Variants in MBNL2 observed in about 807,000 individuals in gnomAD.
MBNL2 encodes muscleblind like splicing regulator 2.
Under a neutral mutation model 41.9 loss-of-function variants are expected in MBNL2, and 17 were observed. The observed-to-expected ratio is 0.41, with a 90% CI of 0.28 to 0.61. The LOEUF (loss-of-function observed/expected upper bound fraction) is 0.61, where lower values mean the gene tolerates loss of function less well. Among genes scored for constraint, MBNL2 ranks in the 20% least tolerant of loss-of-function variants. The pLI is 0.35. For missense variants in MBNL2, 336 were observed against 505.6 expected, an observed-to-expected ratio of 0.66 and a Z score of 3.22; for synonymous variants, 195 against 182.9, an observed-to-expected ratio of 1.07 and a Z score of -0.53.
At chr13:97,360,898 T>A in intron 7 of MBNL2, among the ~76,000 whole-genome samples, 1 of 152,352 alleles carries the variant, frequency 6.6e-6, no homozygotes, top group East Asian at 1.9e-4. Flanking sequence ...AGTGCCCAGA[T>A]ACAGCCTAAT....
intron 2 of MBNL2, among the ~76,000 whole-genome samples, chr13:97,284,369 CA>C (rs2054019033): frequency 6.6e-6 from 1 of 152,116 alleles, no homozygotes; most frequent in Non-Finnish European, 1.5e-5. Context: ...CTCATGGCAG[CA>C]TCACTCCAAT....
intron 1 of MBNL2, among the ~76,000 whole-genome samples, chr13:97,242,042 A>G (rs948643179): frequency 1.3e-5 from 2 of 152,132 alleles, no homozygotes; most frequent in African/African-American, 4.8e-5. Flanking sequence ...TTCTGAAGCA[A>G]CAAGGAAAGG....
At chr13:97,296,118 C>G (rs1055961224) in intron 2 of MBNL2, among the ~76,000 whole-genome samples, 9 of 152,160 alleles carry the variant, frequency 5.9e-5, no homozygotes, top group African/African-American at 2.2e-4. Context: ...CAGATTCTAT[C>G]CACGCTAAAT....
At chr13:97,357,734 G>A in intron 7 of MBNL2, 99 bp downstream of exon 7, 2 of 1,127,578 alleles carry the variant, frequency 1.8e-6, no homozygotes, top group Non-Finnish European at 2.7e-6. Context: ...GCTTTTGAAG[G>A]TATAATACAG....
At chr13:97,385,030 G>T (rs1183451600) in intron 8 of MBNL2, among the ~76,000 whole-genome samples, 1 of 152,150 alleles carries the variant, frequency 6.6e-6, no homozygotes, top group Non-Finnish European at 1.5e-5. Context: ...GTGCACAGAT[G>T]ACACATCTTG....
chr13:97,263,668 A>C (rs1229011211), intron 1 of MBNL2, among the ~76,000 whole-genome samples: 1 of 152,122 alleles, frequency 6.6e-6, no homozygotes, highest in East Asian at 1.9e-4. Flanking sequence ...CCCAGGCTGG[A>C]GTGCGGTGGT....
the MBNL2 span, among the ~76,000 whole-genome samples, chr13:97,210,367 G>T: frequency 6.6e-6 from 1 of 152,104 alleles, no homozygotes; most frequent in African/African-American, 2.4e-5. Context: ...GAACATGACG[G>T]TTAGTGTGTG....
At chr13:97,289,472 T>A (rs1171066274) in intron 2 of MBNL2, among the ~76,000 whole-genome samples, 1 of 152,014 alleles carries the variant, frequency 6.6e-6, no homozygotes, top group Non-Finnish European at 1.5e-5. Flanking sequence ...CTGCTAACTT[T>A]CGGTTGTTAA....
chr13:97,210,042 C>T, the MBNL2 span, among the ~76,000 whole-genome samples: 2 of 152,130 alleles, frequency 1.3e-5, no homozygotes, highest in African/African-American at 2.4e-5. Context: ...GTGATCTGCC[C>T]GCCTTGGCCT....
chr13:97,280,876 C>T (rs757484894), intron 2 of MBNL2, among the ~76,000 whole-genome samples: 2 of 152,232 alleles, frequency 1.3e-5, no homozygotes, highest in Non-Finnish European at 2.9e-5. Context: ...TGAATGAACC[C>T]TTTCTGCCAA....
At chr13:97,195,848 A>G in the MBNL2 span, among the ~76,000 whole-genome samples, 1 of 152,144 alleles carries the variant, frequency 6.6e-6, no homozygotes, top group Non-Finnish European at 1.5e-5. Context: ...ATTCTACAGC[A>G]TGTTGTTTTT....
At chr13:97,307,273 G>A (rs1346244721) in intron 2 of MBNL2, among the ~76,000 whole-genome samples, 1 of 152,036 alleles carries the variant, frequency 6.6e-6, no homozygotes, top group Non-Finnish European at 1.5e-5. Flanking sequence ...AGTGATACTT[G>A]TAGAGGCCAA....
chr13:97,239,761 G>A (rs1030471613), intron 1 of MBNL2, among the ~76,000 whole-genome samples: 1 of 152,232 alleles, frequency 6.6e-6, no homozygotes, highest in African/African-American at 2.4e-5. Flanking sequence ...CTTGAGTGCT[G>A]TAGGATAGAT....
intron 8 of MBNL2, among the ~76,000 whole-genome samples, chr13:97,383,735 C>T (rs899934306): frequency 3.9e-5 from 6 of 152,104 alleles, no homozygotes; most frequent in Admixed American, 6.6e-5. Context: ...TCCCCAGGAC[C>T]TCAGTGTATG....
At chr13:97,142,626 C>G in the MBNL2 span, among the ~76,000 whole-genome samples, 1 of 152,200 alleles carries the variant, frequency 6.6e-6, no homozygotes, top group Non-Finnish European at 1.5e-5. Flanking sequence ...TGGTCATGCA[C>G]GCCTCCACGG....
At chr13:97,305,609 C>CA (rs11405112) in intron 2 of MBNL2, among the ~76,000 whole-genome samples, 71,301 of 151,638 alleles carry the variant, frequency 0.47, 19,694 homozygotes, top group East Asian at 0.61. Flanking sequence ...ACAAAAAATA[C>CA]AAAAAATTAG....
At chr13:97,189,482 A>G in the MBNL2 span, among the ~76,000 whole-genome samples, 2 of 152,208 alleles carry the variant, frequency 1.3e-5, no homozygotes, top group African/African-American at 2.4e-5. Flanking sequence ...ATAATTCCTC[A>G]TTTGTGTACG....
At chr13:97,249,607 T>C (rs1012221064) in intron 1 of MBNL2, among the ~76,000 whole-genome samples, 2 of 152,250 alleles carry the variant, frequency 1.3e-5, no homozygotes. Flanking sequence ...TTCTAATTGC[T>C]TATTTTCATA....
In MBNL2 at chr13:97,276,305, A is replaced by C; in HGVS notation, c.70A>C (p.Arg24=). 6.2e-7 allele frequency: 1 copy of C among 1,614,092 alleles called. No individual in the cohort carries two copies. The highest frequency in any genetic ancestry group is 8.5e-7 in the Non-Finnish European group (1 of 1,179,910). ...LTLEVCRQFQ[R]GTCSRSDEEC... ...ATTAGAAGTCTGCAGACAGTTTCAA[A>C]GAGGAACATGCTCACGCTCTGATGA... The change falls in exon 2 of 9, where the codon AGA becomes CGA. Residue 24 remains arginine (R), a synonymous_variant. Coordinates refer to ENST00000679496, the MANE Select transcript of MBNL2 (RefSeq NM_001382683.1).
Sources: allele counts gnomAD v4.1 joint callset (sites outside exome capture counted in the v4.1 genomes callset), GRCh38; gene constraint gnomAD v4.1.1; transcripts MANE v1.5; gene names NCBI Gene and HGNC (gene_info 2026-07-23, HGNC 2026-07-21).